The following ERFL variants were observed in gnomAD, a reference collection of about 807,000 sequenced individuals.
ERFL encodes the protein ETS repressor factor like, also known as ETS domain-containing transcription factor ERF-like.
ERFL carries 8 observed loss-of-function variants against 27.9 expected under a neutral mutation model. That is an observed-to-expected ratio of 0.29 (90% confidence interval 0.17 to 0.52). The LOEUF is 0.52. Among genes scored for constraint, ERFL ranks in the 20% least tolerant of loss-of-function variants. ERFL has a pLI of 0.97. For synonymous variants in ERFL, 174 were observed against 202.8 expected (o/e 0.86, Z 1.21); for missense variants, 294 against 444.4 (o/e 0.66, Z 3.04).
chr19:41,925,174 C>T (rs1000568600), intron 1 of ERFL, among the ~76,000 whole-genome samples: 1 of 151,984 alleles, frequency 6.6e-6, no homozygotes, highest in African/African-American at 2.4e-5. Context: ...GTCGAAGCCT[C>T]GGTATCTGTT....
rs1303981474 is a variant in ERFL at position 41,908,767 on chromosome 19, TC to T, written c.617-92del. 26 of 611,678 alleles carry T rather than the reference TC, an allele frequency of 4.3e-5. No homozygotes were observed. The highest frequency in any genetic ancestry group is 1.7e-4 in the Admixed American group (4 of 22,864). 37.9% of individuals were successfully genotyped at this position (611,678 alleles called of 1,614,324 possible). A position where few individuals can be genotyped will look rare whatever the true frequency, so the allele number is the denominator to read the frequency against. On this transcript the variant is annotated intron_variant, in intron 5 of 5. Coordinates refer to ENST00000597630, the MANE Select transcript of ERFL (RefSeq NM_001365103.2). This position sits in a 1 kb window ranked among gnomAD's most constrained non-coding sequence, Gnocchi z 6.7. ...CCTCCCTGCCATATCCCACCCCATC[TC>T]CCCGCATCCCTCCTACATGGCATCT... is the stretch of plus-strand genomic sequence containing the variant.
rs955715983 is a variant in ERFL, at chr19:41,908,837, C to A, written c.617-161G>T. Among the ~76,000 whole-genome samples, 16 of 151,600 alleles carry A rather than the reference C, an allele frequency of 1.1e-4. No homozygotes were observed. Among genetic ancestry groups the A allele is most frequent in the African/African-American group, 3.6e-4 (15 of 41,204 alleles). On this transcript the variant is annotated intron_variant, in intron 5 of 5. Coordinates refer to ENST00000597630, the MANE Select transcript of ERFL (RefSeq NM_001365103.2). The surrounding 1 kb of genome is among the most constrained non-coding windows in gnomAD (Gnocchi z 6.7). ...CCCCCAACTCCATCTCCTCCCACTC[C>A]CCCACTTGTCTTCCCATTCCTTAGG... is the stretch of plus-strand genomic sequence containing the variant.
intron 1 of ERFL, among the ~76,000 whole-genome samples, chr19:41,920,867 C>A (rs1555852422): frequency 1.3e-5 from 2 of 152,304 alleles, no homozygotes; most frequent in African/African-American, 4.8e-5. Flanking sequence ...GACAGAGAGG[C>A]CTGTGGGTGG....
intron 1 of ERFL, among the ~76,000 whole-genome samples, chr19:41,914,513 CTA>C (rs2074775068): frequency 6.6e-6 from 1 of 151,754 alleles, no homozygotes; most frequent in Non-Finnish European, 1.5e-5. Context: ...CTCTGTCTCC[CTA>C]TGACTTTCTC....
intron 1 of ERFL, among the ~76,000 whole-genome samples, chr19:41,913,601 A>T (rs904546024): frequency 4.0e-5 from 6 of 150,114 alleles, no homozygotes; most frequent in Non-Finnish European, 8.9e-5. Context: ...CAGACCCTAG[A>T]CCTGCTGCTC....
chr19:41,927,998 C>T (rs1341939845), intron 1 of ERFL, 42 bp downstream of exon 1: 1 of 152,162 alleles, frequency 6.6e-6, no homozygotes, highest in South Asian at 2.1e-4. Flanking sequence ...CGGGAATCCC[C>T]GCCCCCTCCC....
chr19:41,910,024 A>AAAG lies in ERFL; in HGVS notation c.138_140dup (p.Phe47dup). The AAAG allele has an allele frequency of 6.2e-7, 1 of 1,613,662 alleles. No individual in the cohort carries two copies. The highest frequency in any genetic ancestry group is 8.5e-7 in the Non-Finnish European group (1 of 1,179,964). On this transcript the variant is annotated inframe_insertion, in exon 3 of 6. Coordinates refer to ENST00000597630, the MANE Select transcript of ERFL (RefSeq NM_001365103.2). This position sits in a 1 kb window ranked among gnomAD's most constrained non-coding sequence, Gnocchi z 4.4. ...CCTCCTTCTGCAGCAGCTCCAGGAT[A>AAAG]AAGTGCCACAGCTGGATCTGCCTCG...
At chr19:41,918,658 A>T (rs2074818717) in intron 1 of ERFL, among the ~76,000 whole-genome samples, 1 of 146,530 alleles carries the variant, frequency 6.8e-6, no homozygotes, top group Non-Finnish European at 1.5e-5. Context: ...CACAGTACAT[A>T]CACTACCCAT....
chr19:41,920,911 G>A (rs1172077051), intron 1 of ERFL, among the ~76,000 whole-genome samples: 1 of 151,960 alleles, frequency 6.6e-6, no homozygotes. Flanking sequence ...CCCTCCCTCT[G>A]TCTCTCCCTC....
chr19:41,909,175 G>C lies in ERFL; in HGVS notation c.501C>G (p.Thr167=), dbSNP rs1245390756. 8.1e-7 allele frequency: 1 copy of C among 1,231,782 alleles called. No homozygotes were observed. The highest frequency in any genetic ancestry group is 1.0e-6 in the Non-Finnish European group (1 of 988,072). 76.3% of individuals were successfully genotyped at this position (1,231,782 alleles called of 1,614,324 possible). A position where few individuals can be genotyped will look rare whatever the true frequency, so the allele number is the denominator to read the frequency against. The change falls in exon 5 of 6, where the codon ACC becomes ACG. Residue 167 remains threonine (T), a splice_region_variant and synonymous_variant. Transcript: ENST00000597630. This position sits in a 1 kb window ranked among gnomAD's most constrained non-coding sequence, Gnocchi z 5.2. ...GTGGGGCAGAGAACAGGGTTTGCAG[G>C]GTCTAGAGAGGGAGTGGGAGAAGCC... ...GPDAPPLTPE[T]LQTLFSAPRL... is the part of the protein sequence containing the mutation.
Position 41,921,116 on chromosome 19 carries a change from C to T in ERFL, c.-14+6924G>A, listed in dbSNP as rs2074839629. 6.6e-6 allele frequency among the ~76,000 whole-genome samples: 1 copy of T among 152,100 alleles called. No individual in the cohort carries two copies. On this transcript the variant is annotated intron_variant, in intron 1 of 5. Coordinates refer to ENST00000597630, the MANE Select transcript of ERFL (RefSeq NM_001365103.2). The surrounding 1 kb of genome is among the most constrained non-coding windows in gnomAD (Gnocchi z 4.4). ...GCCACGCACCCCGCCTACCAAACAG[C>T]TCTGGGGGAGGGGAGAGGGAGGGTG...
intron 1 of ERFL, among the ~76,000 whole-genome samples, chr19:41,913,259 T>TCACG (rs1555851418): frequency 2.7e-5 from 4 of 150,388 alleles, no homozygotes; most frequent in African/African-American, 9.8e-5. Flanking sequence ...TCGCTGGCTC[T>TCACG]CACGCCCGCC....
chr19:41,918,173 C>T (rs972637370), intron 1 of ERFL, among the ~76,000 whole-genome samples: 39 of 151,958 alleles, frequency 2.6e-4, no homozygotes, highest in African/African-American at 9.4e-4. Context: ...TGCCTTTGTG[C>T]CTGGGGTGTA....
At chr19:41,920,359 G>A (rs1354477529) in intron 1 of ERFL, among the ~76,000 whole-genome samples, 3 of 128,392 alleles carry the variant, frequency 2.3e-5, no homozygotes, top group Admixed American at 8.6e-5. Flanking sequence ...CAGACGTGAC[G>A]CACAGACATG....
chr19:41,912,164 C>T (rs782407082), intron 2 of ERFL, among the ~76,000 whole-genome samples: 9 of 152,182 alleles, frequency 5.9e-5, no homozygotes, highest in Admixed American at 5.2e-4. Context: ...CAGATGTGCA[C>T]GTACAAGCAA....
Position 41,920,132 on chromosome 19 carries a change from C to T in ERFL, c.-13-7200G>A, listed in dbSNP as rs1249097162. On this transcript the variant is annotated intron_variant, in intron 1 of 5. Coordinates refer to ENST00000597630, the MANE Select transcript of ERFL (RefSeq NM_001365103.2). ...CACAGACATGACACGCTCACACATG[C>T]GCTCACAGACATGACACGCCCAGAC... 6.3e-5 allele frequency among the ~76,000 whole-genome samples: 7 copies of T among 111,740 alleles called. 1 individual carries two copies. The highest frequency in any genetic ancestry group is 5.1e-4 in the East Asian group (2 of 3,922). The allele number at this position is 111,740 out of a possible 152,430, so 73.3% of individuals were successfully genotyped here.
At position 41,917,009 on chromosome 19, in the gene ERFL, G is replaced by GGTGC. The variant is rs1226421996; in HGVS notation, c.-13-4078_-13-4077insGCAC. Among the ~76,000 whole-genome samples, 15 of 132,184 alleles carry GGTGC rather than the reference G, an allele frequency of 1.1e-4. No individual in the cohort carries two copies. The highest frequency in any genetic ancestry group is 6.1e-4 in the African/African-American group (15 of 24,426). 86.7% of individuals were successfully genotyped at this position (132,184 alleles called of 152,430 possible). ...AACTTCCCAAGCATGTCTCTGCATG[G>GGTGC]GTGTGTGTGTGTGTGTGCACATATG... On this transcript the variant is annotated intron_variant, in intron 1 of 5. Transcript: ENST00000597630. The surrounding 1 kb of genome is among the most constrained non-coding windows in gnomAD (Gnocchi z 4.8).
rs1294799514 is a variant in ERFL at position 41,915,049 on chromosome 19, G to A, written c.-13-2117C>T. On this transcript the variant is annotated intron_variant, in intron 1 of 5. Coordinates refer to ENST00000597630, the MANE Select transcript of ERFL (RefSeq NM_001365103.2). Reference sequence around the variant, plus strand: ...TGTCCCGCGTCTCTCCAGCAGCCCCGCTCCCCCACACCTCTCCCCCACCCA... The same window carrying A: ...TGTCCCGCGTCTCTCCAGCAGCCCCACTCCCCCACACCTCTCCCCCACCCA... Among the ~76,000 whole-genome samples the A allele has an allele frequency of 6.7e-4, 44 of 65,462 alleles. 1 individual carries two copies. Among genetic ancestry groups the A allele is most frequent in the South Asian group, 3.5e-3 (4 of 1,150 alleles). The allele number at this position is 65,462 out of a possible 152,430, so 42.9% of individuals were successfully genotyped here.
chr19:41,915,720 T>C (rs1432307808), intron 1 of ERFL, among the ~76,000 whole-genome samples: 1 of 152,172 alleles, frequency 6.6e-6, no homozygotes, highest in African/African-American at 2.4e-5. Flanking sequence ...TGTCTCTGTT[T>C]CTGTCCCGGT....
Sources: gnomAD v4.1 joint callset for allele counts (sites outside exome capture counted in the v4.1 genomes callset) on GRCh38, gnomAD v4.1.1 for gene constraint, Gnocchi (gnomAD v3.1) non-coding constraint, MANE v1.5 for transcripts, NCBI Gene and HGNC (gene_info 2026-07-23, HGNC 2026-07-21) for gene names.